CNBD1: variants seen among roughly 807,000 people sequenced by gnomAD.
The protein encoded by CNBD1 is cyclic nucleotide binding domain containing 1.
In CNBD1, 71 loss-of-function variants were observed where a neutral mutation model predicts 54.4. That is an observed-to-expected ratio of 1.30 (90% confidence interval 1.08 to 1.59). CNBD1 has a LOEUF of 1.59. Ranked by LOEUF, CNBD1 falls within the 40% of genes most tolerant of loss-of-function variation. The probability of loss-of-function intolerance (pLI) is 0.00; values close to 1 mark genes in which losing one functional copy is unlikely to be tolerated. For synonymous variants in CNBD1, 182 were observed against 170.7 expected (o/e 1.07, Z -0.51); for missense variants, 659 against 518.0 (o/e 1.27, Z -2.64).
chr8:87,010,791 G>A (rs1274775994), intron 4 of CNBD1, among the ~76,000 whole-genome samples: 2 of 152,026 alleles, frequency 1.3e-5, no homozygotes, highest in African/African-American at 4.8e-5. Flanking sequence ...AATTCTCCAT[G>A]TTTTCACTTG....
chr8:87,357,727 G>C (rs1190403480), intron 10 of CNBD1, among the ~76,000 whole-genome samples: 1 of 152,126 alleles, frequency 6.6e-6, no homozygotes, highest in Non-Finnish European at 1.5e-5. Flanking sequence ...CCAGGGGACT[G>C]TTGGGAAGGG....
chr8:86,987,405 G>C (rs1384464383), intron 4 of CNBD1, among the ~76,000 whole-genome samples: 1 of 152,086 alleles, frequency 6.6e-6, no homozygotes, highest in Non-Finnish European at 1.5e-5. Flanking sequence ...GGGGCCTTTT[G>C]GCAGTCTTTA....
At chr8:87,358,984 A>C (rs13259307) in intron 10 of CNBD1, among the ~76,000 whole-genome samples, 86,223 of 151,946 alleles carry the variant, frequency 0.57, 25,982 homozygotes, top group African/African-American at 0.77. Context: ...ATTTTCCTTA[A>C]TTCATCTACT....
chr8:86,875,749 AT>A (rs1394500676), intron 1 of CNBD1, among the ~76,000 whole-genome samples: 1 of 152,164 alleles, frequency 6.6e-6, no homozygotes, highest in East Asian at 1.9e-4. Flanking sequence ...CTTAAAAAAA[AT>A]AAACTTTTTT....
intron 4 of CNBD1, among the ~76,000 whole-genome samples, chr8:87,087,260 T>TTGCCC (rs1554553586): frequency 7.1e-6 from 1 of 140,876 alleles, no homozygotes; most frequent in Non-Finnish European, 1.5e-5. Context: ...TATATATATA[T>TTGCCC]ACATATATAT....
At chr8:87,401,173 C>A (rs894466752) in intron 2 of CNBD1, among the ~76,000 whole-genome samples, 3 of 151,936 alleles carry the variant, frequency 2.0e-5, no homozygotes, top group Admixed American at 2.0e-4. Context: ...ACCAAATAAA[C>A]CCAAAGCAAA....
At chr8:87,386,897 A>C (rs1160527201), downstream of CNBD1, among the ~76,000 whole-genome samples, 1 of 152,238 alleles carries the variant, frequency 6.6e-6, no homozygotes, top group African/African-American at 2.4e-5. Context: ...CATGAGACTA[A>C]CAGCTGATCT....
At chr8:87,343,043 C>T (rs1396109775) in intron 8 of CNBD1, among the ~76,000 whole-genome samples, 1 of 152,066 alleles carries the variant, frequency 6.6e-6, no homozygotes, top group Non-Finnish European at 1.5e-5. Flanking sequence ...ATAGACCTAC[C>T]CCCAGGAATG....
At chr8:87,308,352 A>G (rs1308632041) in intron 8 of CNBD1, among the ~76,000 whole-genome samples, 1 of 152,190 alleles carries the variant, frequency 6.6e-6, no homozygotes, top group African/African-American at 2.4e-5. Context: ...GGAGTCAGAC[A>G]TTTCATAATC....
At chr8:87,219,165 A>T (rs1049047319) in intron 5 of CNBD1, among the ~76,000 whole-genome samples, 1 of 152,058 alleles carries the variant, frequency 6.6e-6, no homozygotes, top group Non-Finnish European at 1.5e-5. Flanking sequence ...GTCATTTGAT[A>T]ACTGTCTTAA....
chr8:87,316,366 T>A (rs546748480), intron 8 of CNBD1, among the ~76,000 whole-genome samples: 14 of 152,188 alleles, frequency 9.2e-5, no homozygotes, highest in African/African-American at 2.6e-4. Flanking sequence ...TTCCATTTTT[T>A]GCTTATCACA....
At chr8:86,945,882 C>A (rs147070546) in intron 4 of CNBD1, among the ~76,000 whole-genome samples, 115 of 152,236 alleles carry the variant, frequency 7.6e-4, no homozygotes, top group African/African-American at 2.7e-3. Flanking sequence ...GTTCTGTCTG[C>A]GGCAGCTAGA....
At chr8:87,006,377 G>C (rs1442469295) in intron 4 of CNBD1, among the ~76,000 whole-genome samples, 5 of 152,086 alleles carry the variant, frequency 3.3e-5, no homozygotes, top group African/African-American at 1.2e-4. Context: ...ACCAAGAAAA[G>C]GATGTATTAG....
At chr8:87,407,448 G>A (rs1293052591) in intron 2 of CNBD1, among the ~76,000 whole-genome samples, 1 of 151,978 alleles carries the variant, frequency 6.6e-6, no homozygotes, top group African/African-American at 2.4e-5. Context: ...AATAAATACT[G>A]TAAGGAACAT....
At chr8:86,995,830 A>G (rs1486134367) in intron 4 of CNBD1, among the ~76,000 whole-genome samples, 2 of 152,154 alleles carry the variant, frequency 1.3e-5, no homozygotes, top group Admixed American at 1.3e-4. Flanking sequence ...GCAGATTCCT[A>G]AAATATTTCA....
downstream of CNBD1, among the ~76,000 whole-genome samples, chr8:87,387,084 C>A (rs568103613): frequency 3.9e-5 from 6 of 152,220 alleles, no homozygotes; most frequent in South Asian, 1.2e-3. Flanking sequence ...CCAGGCCTGC[C>A]CTAAAAGAGC....
chr8:87,387,070 A>G (rs1357873063), downstream of CNBD1, among the ~76,000 whole-genome samples: 3 of 152,212 alleles, frequency 2.0e-5, no homozygotes, highest in Admixed American at 2.0e-4. Flanking sequence ...AGATTCTGTC[A>G]CCACCAGGCC....
chr8:87,097,136 C>G (rs543123294), intron 4 of CNBD1, among the ~76,000 whole-genome samples: 1 of 152,262 alleles, frequency 6.6e-6, no homozygotes, highest in Non-Finnish European at 1.5e-5. Context: ...GTTGAGTTCT[C>G]TGAGCATTTC....
intron 6 of CNBD1, among the ~76,000 whole-genome samples, chr8:87,280,638 C>A (rs1261184484): frequency 1.3e-5 from 2 of 151,348 alleles, no homozygotes; most frequent in Non-Finnish European, 1.5e-5. Flanking sequence ...AAAATAAGGA[C>A]AAAAATTATA....
Sources: allele counts gnomAD v4.1 joint callset (sites outside exome capture counted in the v4.1 genomes callset), GRCh38; gene constraint gnomAD v4.1.1; transcripts MANE v1.5; gene names NCBI Gene and HGNC (gene_info 2026-07-23, HGNC 2026-07-21).